Variants in RGS20 observed in about 807,000 individuals in gnomAD.
RGS20 encodes regulator of G protein signaling 20.
In RGS20, 30 loss-of-function variants were observed where a neutral mutation model predicts 33.6. The ratio of observed to expected loss-of-function variants is 0.89; its 90% CI spans 0.67 to 1.21. The LOEUF is 1.21. Among genes scored for constraint, RGS20 ranks in the 50% most tolerant of loss-of-function variants. The pLI is 0.00. For synonymous variants in RGS20, 208 were observed against 197.9 expected (o/e 1.05, Z -0.43); for missense variants, 472 against 502.4 (o/e 0.94, Z 0.58).
intron 2 of RGS20, among the ~76,000 whole-genome samples, chr8:53,926,424 A>G (rs16919680): frequency 0.29 from 43,943 of 152,028 alleles, 6,532 homozygotes; most frequent in African/African-American, 0.35. Flanking sequence ...ATGATTCTAT[A>G]TCTTTCTGGA....
intron 1 of RGS20, chr8:53,852,154 C>A: frequency 8.5e-7 from 1 of 1,175,360 alleles, no homozygotes; most frequent in Non-Finnish European, 1.2e-6. Flanking sequence ...AGCTTTAGTG[C>A]CATTGCTCAC....
chr8:53,920,861 C>T (rs144830048), intron 2 of RGS20, among the ~76,000 whole-genome samples: 10 of 152,256 alleles, frequency 6.6e-5, no homozygotes, highest in South Asian at 4.1e-4. Flanking sequence ...TGGGCTCAAG[C>T]GATTCTCCTG....
chr8:53,898,712 G>A (rs1163422876), intron 2 of RGS20, among the ~76,000 whole-genome samples: 1 of 152,224 alleles, frequency 6.6e-6, no homozygotes, highest in Non-Finnish European at 1.5e-5. Context: ...AATAAAAGCT[G>A]AACTGTAATT....
chr8:53,905,179 C>T (rs188733988), intron 2 of RGS20, among the ~76,000 whole-genome samples: 3 of 152,290 alleles, frequency 2.0e-5, no homozygotes, highest in Admixed American at 2.0e-4. Context: ...TATTAAGCTT[C>T]CAGTTGACTT....
chr8:53,909,209 G>GTGTATGTGTGTGTA (rs1242600309), intron 2 of RGS20, among the ~76,000 whole-genome samples: 2 of 43,724 alleles, frequency 4.6e-5, no homozygotes, highest in African/African-American at 2.3e-4. Context: ...TGGTATGTGT[G>GTGTATGTGTGTGTA]TATATATATA....
At chr8:53,920,595 T>G (rs1436974379) in intron 2 of RGS20, among the ~76,000 whole-genome samples, 1 of 152,170 alleles carries the variant, frequency 6.6e-6, no homozygotes, top group Non-Finnish European at 1.5e-5. Context: ...AAAGTAGATT[T>G]TTTTTCTTAT....
intron 2 of RGS20, among the ~76,000 whole-genome samples, chr8:53,931,552 A>AAACAACAACAACAAC (rs147351535): frequency 6.6e-6 from 1 of 150,592 alleles, no homozygotes; most frequent in Non-Finnish European, 1.5e-5. Context: ...CAAAACTCCA[A>AAACAACAACAACAAC]AACAACAACA....
intron 5 of RGS20, among the ~76,000 whole-genome samples, chr8:53,957,925 T>A (rs1267914715): frequency 6.6e-6 from 1 of 152,118 alleles, no homozygotes; most frequent in Non-Finnish European, 1.5e-5. Flanking sequence ...GGCGGGCGGA[T>A]AACCTGAGGT....
intron 3 of RGS20, among the ~76,000 whole-genome samples, chr8:53,946,395 T>C (rs1814478148): frequency 6.6e-6 from 1 of 152,142 alleles, no homozygotes; most frequent in Non-Finnish European, 1.5e-5. Context: ...ATGTTTTTAT[T>C]TAAAAAATCA....
In RGS20 at chr8:53,879,499, C is replaced by T. The variant is rs2129273837; in HGVS notation, c.407C>T (p.Ala136Val). The change falls in exon 2 of 6, where the codon GCA becomes GTA. Residue 136 changes from alanine (A) to valine (V), a missense_variant. Physicochemically the swap from Ala to Val is moderately conservative, Grantham distance 64 (BLOSUM62 0). This residue lies in a region of RGS20 where 319 missense variants were observed against 283.4 expected (regional missense o/e 1.13). Coordinates refer to ENST00000297313, the MANE Select transcript of RGS20 (RefSeq NM_170587.4). The stretch of plus-strand genomic sequence containing the variant: ...TCGCTCCTGCTCGGGGCGGCGCTGG[C>T]ACTGCCCGGCCGACCCTCGGGGGGT... The T allele has an allele frequency of 6.4e-7, 1 of 1,552,346 alleles. No individual in the cohort carries two copies. The highest frequency in any genetic ancestry group is 2.4e-5 in the East Asian group (1 of 41,556).
intron 1 of RGS20, among the ~76,000 whole-genome samples, chr8:53,868,914 G>C (rs1811989322): frequency 6.6e-6 from 1 of 152,036 alleles, no homozygotes; most frequent in Non-Finnish European, 1.5e-5. Flanking sequence ...CACCACGCCT[G>C]GCTAATTTCT....
At chr8:53,911,604 T>C (rs1192937132) in intron 2 of RGS20, among the ~76,000 whole-genome samples, 1 of 151,920 alleles carries the variant, frequency 6.6e-6, no homozygotes, top group African/African-American at 2.4e-5. Context: ...GTAGAAAAAA[T>C]CGAAAAGGTG....
intron 3 of RGS20, among the ~76,000 whole-genome samples, chr8:53,940,614 G>A (rs1389883746): frequency 6.6e-6 from 1 of 152,226 alleles, no homozygotes; most frequent in Non-Finnish European, 1.5e-5. Flanking sequence ...GGGGAAGTTT[G>A]GTGGCTCCTG....
intron 2 of RGS20, among the ~76,000 whole-genome samples, chr8:53,935,248 A>G (rs183029678): frequency 9.1e-4 from 138 of 152,298 alleles, no homozygotes; most frequent in African/African-American, 3.1e-3. Flanking sequence ...AAGACAACAG[A>G]TAACTAAGAT....
intron 1 of RGS20, among the ~76,000 whole-genome samples, chr8:53,854,113 C>A (rs188873602): frequency 6.6e-6 from 1 of 151,790 alleles, no homozygotes; most frequent in African/African-American, 2.4e-5. Flanking sequence ...TACAACTACA[C>A]GGAGAACTAT....
intron 2 of RGS20, among the ~76,000 whole-genome samples, chr8:53,901,981 T>A (rs1247172875): frequency 6.6e-6 from 1 of 152,170 alleles, no homozygotes; most frequent in Non-Finnish European, 1.5e-5. Context: ...CTGAATAATA[T>A]CCCATTATAT....
chr8:53,926,686 C>A (rs186815537), intron 2 of RGS20, among the ~76,000 whole-genome samples: 27 of 152,124 alleles, frequency 1.8e-4, no homozygotes, highest in Admixed American at 5.9e-4. Context: ...CTGAAACAGG[C>A]GGATCACTTG....
intron 4 of RGS20, among the ~76,000 whole-genome samples, chr8:53,952,192 C>A (rs1386819377): frequency 7.3e-6 from 1 of 137,898 alleles, no homozygotes; most frequent in Non-Finnish European, 1.6e-5. Flanking sequence ...ATTCTCCTGG[C>A]TCAGCCTCCC....
At chr8:53,881,234 C>G (rs1340938767) in intron 2 of RGS20, 150 bp downstream of exon 1, 3 of 579,712 alleles carry the variant, frequency 5.2e-6, no homozygotes, top group Non-Finnish European at 5.7e-6. Context: ...CGGTGCGAGT[C>G]GGGGGTTCCT....
Sources: gnomAD v4.1 joint callset for allele counts (sites outside exome capture counted in the v4.1 genomes callset) on GRCh38, gnomAD v4.1.1 for gene constraint, gnomAD v4.1.1 regional missense constraint, MANE v1.5 for transcripts, NCBI Gene and HGNC (gene_info 2026-07-23, HGNC 2026-07-21) for gene names.